Variants in ADAMTS20 observed in about 807,000 individuals in gnomAD.
ADAMTS20 encodes A disintegrin and metalloproteinase with thrombospondin motifs 20.
A neutral mutation model predicts 260.1 loss-of-function variants in ADAMTS20; 225 were observed. The observed-to-expected ratio is 0.87, with a 90% CI of 0.78 to 0.97. ADAMTS20 has a LOEUF of 0.97. Among genes scored for constraint, ADAMTS20 ranks in the 50% least tolerant of loss-of-function variants. The pLI, the probability that ADAMTS20 is intolerant of heterozygous loss-of-function variation, is 0.00. For missense variants in ADAMTS20, 2,400 were observed against 2,337.7 expected (o/e 1.03, Z -0.55); for synonymous variants, 802 against 769.5 (o/e 1.04, Z -0.70).
At chr12:43,364,938 C>T (rs1939951461) in intron 37 of ADAMTS20, among the ~76,000 whole-genome samples, 2 of 151,842 alleles carry the variant, frequency 1.3e-5, no homozygotes, top group South Asian at 4.1e-4. Flanking sequence ...CAAGTAGACA[C>T]AAAGAGATGC....
chr12:43,523,868 C>T (rs76466240), intron 3 of ADAMTS20, among the ~76,000 whole-genome samples: 30 of 114,526 alleles, frequency 2.6e-4, no homozygotes, highest in African/African-American at 8.2e-4. Flanking sequence ...CAGCACCCCC[C>T]TCCCCCAACC....
intron 31 of ADAMTS20, among the ~76,000 whole-genome samples, chr12:43,379,293 C>T (rs540606486): frequency 2.0e-4 from 31 of 152,244 alleles, no homozygotes; most frequent in Non-Finnish European, 1.9e-4. Flanking sequence ...GGAGCAACAA[C>T]AGGCTAGCTA....
At chr12:43,535,864 T>C (rs919432362) in intron 2 of ADAMTS20, among the ~76,000 whole-genome samples, 2 of 152,136 alleles carry the variant, frequency 1.3e-5, no homozygotes, top group South Asian at 2.1e-4. Flanking sequence ...GACTGAACAA[T>C]TGTACAACTA....
intron 28 of ADAMTS20, among the ~76,000 whole-genome samples, chr12:43,420,570 T>C (rs1451053739): frequency 2.0e-5 from 3 of 152,084 alleles, no homozygotes; most frequent in Non-Finnish European, 4.4e-5. Context: ...CTTGAAACTA[T>C]TTGCCTACAC....
intron 11 of ADAMTS20, among the ~76,000 whole-genome samples, chr12:43,461,549 G>T (rs747503003): frequency 6.6e-6 from 1 of 152,046 alleles, no homozygotes; most frequent in African/African-American, 2.4e-5. Flanking sequence ...CAATCCTGAA[G>T]GTTCATGGCA....
At position 43,490,911 on chromosome 12, in the gene ADAMTS20, A is replaced by G. The variant is rs147994907; in HGVS notation, c.1077-476T>C. Among the ~76,000 whole-genome samples, 78 of 152,092 alleles carry G rather than the reference A, an allele frequency of 5.1e-4. 2 individuals carry two copies. The highest frequency in any genetic ancestry group is 1.7e-3 in the African/African-American group (72 of 41,514). ...TCCTTTCTTATCACCTCTTTCTCAT[A>G]GCCCTTTCTTCCTCCCATATTTAAT... On this transcript the variant is annotated intron_variant, in intron 6 of 38. Transcript: ENST00000389420.
At chr12:43,380,131 T>C (rs1940318420) in intron 31 of ADAMTS20, among the ~76,000 whole-genome samples, 1 of 152,206 alleles carries the variant, frequency 6.6e-6, no homozygotes, top group Non-Finnish European at 1.5e-5. Context: ...GCAAGATTAT[T>C]GTAACATATG....
intron 37 of ADAMTS20, among the ~76,000 whole-genome samples, chr12:43,364,199 T>C (rs1939934290): frequency 6.6e-6 from 1 of 151,840 alleles, no homozygotes. Flanking sequence ...TTAAAAAAAA[T>C]ACACAAACAA....
intron 11 of ADAMTS20, among the ~76,000 whole-genome samples, chr12:43,462,105 A>C (rs1345157114): frequency 6.6e-6 from 1 of 152,244 alleles, no homozygotes; most frequent in Non-Finnish European, 1.5e-5. Context: ...GAAGTGGTAA[A>C]GGCAAAGTTC....
At chr12:43,432,490 G>C (rs1386704138) in intron 20 of ADAMTS20, 22 bp from the exon 21 acceptor site, 7 of 1,590,124 alleles carry the variant, frequency 4.4e-6, no homozygotes, top group Non-Finnish European at 6.0e-6. Context: ...AAAAAAAGTG[G>C]TAACTAATGG....
At chr12:43,454,630 A>G (rs757705736) in intron 11 of ADAMTS20, among the ~76,000 whole-genome samples, 2 of 152,144 alleles carry the variant, frequency 1.3e-5, no homozygotes, top group African/African-American at 2.4e-5. Context: ...GACAAAGTCA[A>G]TCCCCCTGCT....
In ADAMTS20 at chr12:43,544,432, A is replaced by G. The variant is rs367567785; in HGVS notation, c.453+6477T>C. ...TTCTATATATTAGGTGCTAAAAGAA[A>G]TATGACTATCATTTCTACCTTCTAA... On this transcript the variant is annotated intron_variant, in intron 2 of 38. Coordinates refer to ENST00000389420, the MANE Select transcript of ADAMTS20 (RefSeq NM_025003.5). 7.2e-5 allele frequency among the ~76,000 whole-genome samples: 11 copies of G among 152,372 alleles called. No homozygotes were observed. The East Asian group carries it at 9.6e-4, about 13-fold the overall frequency.
Position 43,431,348 on chromosome 12 carries a change from A to T in ADAMTS20, c.3245T>A (p.Val1082Glu). 6.2e-7 allele frequency: 1 copy of T among 1,613,916 alleles called. No individual in the cohort carries two copies. Among genetic ancestry groups the T allele is most frequent in the Non-Finnish European group, 8.5e-7 (1 of 1,179,828 alleles). Residue 1082 changes from valine (V) to glutamate (E), a missense_variant, in exon 22 of 39, where the codon GTA (valine) becomes GAA (glutamate). Physicochemically the swap from Val to Glu is moderately radical, Grantham distance 121. Transcript: ENST00000389420. ...CELHTCASWQ[V>E]GPWGPCTTTC... is the part of the protein sequence containing the mutation. ...TATACTCACAGGACCCCATGGTCCTACTTGCCAGGAAGCACATGTATGAAG... is the reference window on the plus strand; with the variant it reads ...TATACTCACAGGACCCCATGGTCCTTCTTGCCAGGAAGCACATGTATGAAG...
Position 43,547,955 on chromosome 12 carries a change from C to T in ADAMTS20, c.453+2954G>A, listed in dbSNP as rs536219638. ...ACCAGAAACTTGAGGAACTGAAGGA[C>T]GGTACAATTTCCTCACCCCTCTCCC... On this transcript the variant is annotated intron_variant, in intron 2 of 38. Coordinates refer to ENST00000389420, the MANE Select transcript of ADAMTS20 (RefSeq NM_025003.5). 3.3e-5 allele frequency among the ~76,000 whole-genome samples: 5 copies of T among 152,236 alleles called. No individual in the cohort carries two copies. The East Asian group carries it at 7.7e-4, about 24-fold the overall frequency.
Position 43,399,249 on chromosome 12 carries a change from G to T in ADAMTS20, c.4285-16C>A. 9.0e-6 allele frequency: 13 copies of T among 1,445,596 alleles called. No individual in the cohort carries two copies. Among genetic ancestry groups the T allele is most frequent in the South Asian group, 3.1e-5 (2 of 64,348 alleles). The allele number at this position is 1,445,596 out of a possible 1,614,324, so 89.5% of individuals were successfully genotyped here. ...AAGCTGAGCACTAGAAAAGAAATAT[G>T]AATGCACTTGATTCATTTTCTTCTT... On this transcript the variant is annotated splice_polypyrimidine_tract_variant and intron_variant, in intron 28 of 38. Coordinates refer to ENST00000389420, the MANE Select transcript of ADAMTS20 (RefSeq NM_025003.5).
intron 15 of ADAMTS20, among the ~76,000 whole-genome samples, chr12:43,444,580 G>A (rs1266374599): frequency 6.6e-6 from 1 of 151,924 alleles, no homozygotes. Context: ...CTCAAAAGAG[G>A]AAACATTTTA....
chr12:43,430,563 CT>C, intron 22 of ADAMTS20, 92 bp from the exon 23 acceptor site: 2 of 1,174,334 alleles, frequency 1.7e-6, no homozygotes, highest in Non-Finnish European at 2.3e-6. Context: ...TAATAATATA[CT>C]TTTAATAATC....
chr12:43,365,721 T>C (rs1939969323), intron 37 of ADAMTS20, among the ~76,000 whole-genome samples: 1 of 151,986 alleles, frequency 6.6e-6, no homozygotes, highest in Non-Finnish European at 1.5e-5. Context: ...CCTTTATAAA[T>C]GGTATATGTA....
intron 31 of ADAMTS20, among the ~76,000 whole-genome samples, chr12:43,382,443 T>C (rs550110311): frequency 2.0e-5 from 3 of 152,204 alleles, no homozygotes; most frequent in South Asian, 2.1e-4. Flanking sequence ...AATCCACAGA[T>C]ACAGAAAGCA....
Sources: gnomAD v4.1 joint callset for allele counts (sites outside exome capture counted in the v4.1 genomes callset) on GRCh38, gnomAD v4.1.1 for gene constraint, MANE v1.5 for transcripts, NCBI Gene and HGNC (gene_info 2026-07-23, HGNC 2026-07-21) for gene names.